The following CNTNAP2 variants were observed in gnomAD, a reference collection of about 807,000 sequenced individuals.
CNTNAP2 encodes contactin-associated protein-like 2.
A neutral mutation model predicts 155.2 loss-of-function variants in CNTNAP2; 98 were observed. The observed-to-expected ratio is 0.63, with a 90% CI of 0.54 to 0.75. CNTNAP2 has a LOEUF of 0.75. CNTNAP2 is among the 30% of genes least tolerant of loss of function. CNTNAP2 has a pLI of 0.00. For synonymous variants in CNTNAP2, 651 were observed against 631.2 expected (o/e 1.03, Z -0.47); for missense variants, 1,727 against 1,688.1 (o/e 1.02, Z -0.40).
intron 13 of CNTNAP2, among the ~76,000 whole-genome samples, chr7:147,797,482 T>A (rs1797915961): frequency 4.6e-5 from 7 of 152,166 alleles, no homozygotes. Flanking sequence ...TTTTAAGCTG[T>A]TTGATAACAA....
intron 1 of CNTNAP2, among the ~76,000 whole-genome samples, chr7:146,271,395 A>T (rs1236901578): frequency 6.6e-6 from 1 of 152,054 alleles, no homozygotes; most frequent in East Asian, 1.9e-4. Context: ...TAGCAAGATA[A>T]TTGGAAGAAT....
chr7:147,381,390 T>A (rs1018854200), intron 9 of CNTNAP2, among the ~76,000 whole-genome samples: 2 of 152,266 alleles, frequency 1.3e-5, no homozygotes, highest in East Asian at 3.9e-4. Context: ...TTTACACTTA[T>A]AAGAAAAAAT....
At chr7:146,196,120 G>T (rs1422792201) in intron 1 of CNTNAP2, among the ~76,000 whole-genome samples, 2 of 152,250 alleles carry the variant, frequency 1.3e-5, no homozygotes, top group East Asian at 3.9e-4. Context: ...TATGCATATG[G>T]AATGCTCATG....
chr7:148,237,126 CATGTGTT>C (rs1796055298), intron 20 of CNTNAP2, among the ~76,000 whole-genome samples: 2 of 152,208 alleles, frequency 1.3e-5, no homozygotes, highest in African/African-American at 4.8e-5. Flanking sequence ...GCCAATGCTA[CATGTGTT>C]AGGTTTCTGT....
intron 10 of CNTNAP2, among the ~76,000 whole-genome samples, chr7:147,440,283 G>T (rs541398382): frequency 6.6e-6 from 1 of 151,832 alleles, no homozygotes; most frequent in South Asian, 2.1e-4. Flanking sequence ...CTATCTTATA[G>T]CCCATTATTT....
intron 9 of CNTNAP2, among the ~76,000 whole-genome samples, chr7:147,302,473 G>A (rs1316552409): frequency 1.3e-5 from 2 of 152,146 alleles, no homozygotes; most frequent in African/African-American, 4.8e-5. Flanking sequence ...TGGGTCTATG[G>A]TCTGCCTTTA....
At chr7:146,375,950 A>G (rs1795298022) in intron 1 of CNTNAP2, among the ~76,000 whole-genome samples, 1 of 152,144 alleles carries the variant, frequency 6.6e-6, no homozygotes, top group Non-Finnish European at 1.5e-5. Context: ...CTTCACCCTA[A>G]CAGAAAAAAA....
At chr7:147,441,850 TCCCTCCCTCC>T (rs1797644998) in intron 10 of CNTNAP2, among the ~76,000 whole-genome samples, 1 of 72,508 alleles carries the variant, frequency 1.4e-5, no homozygotes, top group African/African-American at 4.8e-5. Context: ...TCTCTCTCTC[TCCCTCCCTCC>T]CTCCCTCCCT....
intron 12 of CNTNAP2, 23 bp from the exon 13 acceptor site, chr7:147,639,083 C>A (rs756161422): frequency 2.5e-6 from 4 of 1,611,608 alleles, no homozygotes; most frequent in Non-Finnish European, 3.4e-6. Flanking sequence ...GATCCAGGGT[C>A]CTGGTTGTTT....
chr7:146,733,562 TTATAA>T (rs1801563229), intron 1 of CNTNAP2, among the ~76,000 whole-genome samples: 1 of 152,104 alleles, frequency 6.6e-6, no homozygotes, highest in Admixed American at 6.5e-5. Context: ...CAGTCTCATA[TTATAA>T]TAAGATTAAG....
chr7:147,419,295 C>CCACACAGG (rs1235169575), intron 10 of CNTNAP2, among the ~76,000 whole-genome samples: 3 of 152,150 alleles, frequency 2.0e-5, no homozygotes, highest in African/African-American at 7.2e-5. Flanking sequence ...GAGCTTGGCA[C>CCACACAGG]CACAGGAGTC....
At chr7:146,822,785 C>T (rs1320411582) in intron 2 of CNTNAP2, among the ~76,000 whole-genome samples, 1 of 145,926 alleles carries the variant, frequency 6.9e-6, no homozygotes, top group African/African-American at 2.5e-5. Flanking sequence ...ACTCATTCTT[C>T]AGCATATTTA....
At chr7:147,521,175 G>T (rs554466837) in intron 11 of CNTNAP2, among the ~76,000 whole-genome samples, 2 of 152,076 alleles carry the variant, frequency 1.3e-5, no homozygotes, top group Non-Finnish European at 2.9e-5. Flanking sequence ...CAACCAAATG[G>T]TCTGTTTCCC....
chr7:146,581,402 A>T (rs1335439150), intron 1 of CNTNAP2, among the ~76,000 whole-genome samples: 2 of 152,148 alleles, frequency 1.3e-5, no homozygotes, highest in Non-Finnish European at 2.9e-5. Flanking sequence ...ATGAAATAAA[A>T]TGATAAATTA....
chr7:146,387,459 T>TC (rs996598341), intron 1 of CNTNAP2, among the ~76,000 whole-genome samples: 5 of 152,204 alleles, frequency 3.3e-5, no homozygotes, highest in Admixed American at 2.0e-4. Context: ...CTCTACTTCT[T>TC]CCGGATGGGT....
chr7:147,671,860 A>G (rs376003008), intron 13 of CNTNAP2: 1 of 152,214 alleles, frequency 6.6e-6, no homozygotes, highest in Non-Finnish European at 1.5e-5. Context: ...ATACCTGCTT[A>G]CAGTACCCTT....
chr7:147,425,768 T>C (rs539372471), intron 10 of CNTNAP2, among the ~76,000 whole-genome samples: 2 of 152,282 alleles, frequency 1.3e-5, no homozygotes, highest in East Asian at 3.9e-4. Context: ...TTGTCAGCAT[T>C]GTTAATTGAA....
At chr7:147,552,725 A>G (rs932462866) in intron 11 of CNTNAP2, among the ~76,000 whole-genome samples, 1 of 152,146 alleles carries the variant, frequency 6.6e-6, no homozygotes, top group Non-Finnish European at 1.5e-5. Context: ...TTCTTCCTCC[A>G]TAATATCAGT....
intron 19 of CNTNAP2, among the ~76,000 whole-genome samples, chr7:148,228,251 T>A (rs563096834): frequency 2.8e-4 from 43 of 152,280 alleles, no homozygotes; most frequent in African/African-American, 7.0e-4. Flanking sequence ...TCTTTAAAAC[T>A]CATAACTAAG....
Sources: gnomAD v4.1 joint callset for allele counts (sites outside exome capture counted in the v4.1 genomes callset) on GRCh38, gnomAD v4.1.1 for gene constraint, MANE v1.5 for transcripts, NCBI Gene and HGNC (gene_info 2026-07-23, HGNC 2026-07-21) for gene names.